JAK1: variants seen among roughly 807,000 people sequenced by gnomAD.
The protein encoded by JAK1 is Janus kinase 1, also known as tyrosine-protein kinase JAK1.
A neutral mutation model predicts 136.6 loss-of-function variants in JAK1; 16 were observed. The ratio of observed to expected loss-of-function variants is 0.12; its 90% confidence interval spans 0.08 to 0.18. JAK1 has a LOEUF of 0.18. JAK1 is among the 10% of genes least tolerant of loss of function. The pLI, the probability that JAK1 is intolerant of heterozygous loss-of-function variation, is 1.00. For synonymous variants in JAK1, 492 were observed against 519.5 expected (o/e 0.95, Z 0.72); for missense variants, 859 against 1,450.1 (o/e 0.59, Z 6.62).
chr1:64,918,593 C>T (rs182875367), intron 1 of JAK1: 21 of 173,294 alleles, frequency 1.2e-4, no homozygotes, highest in Non-Finnish European at 2.0e-4. Flanking sequence ...TGACCCAGGG[C>T]CCTGGAATAA....
chr1:64,840,499 C>T (rs310245), intron 19 of JAK1, among the ~76,000 whole-genome samples: 77,409 of 152,020 alleles, frequency 0.51, 22,712 homozygotes, highest in African/African-American at 0.81. Context: ...GAAACGCTGA[C>T]ACTCTATTTT....
intron 1 of JAK1, among the ~76,000 whole-genome samples, chr1:64,896,835 T>C (rs1440899034): frequency 2.0e-5 from 3 of 152,054 alleles, no homozygotes; most frequent in African/African-American, 7.3e-5. Context: ...ACCAGCATGG[T>C]GGGGTTGAAT....
intron 20 of JAK1, among the ~76,000 whole-genome samples, chr1:64,839,340 T>C (rs1343597582): frequency 6.6e-6 from 1 of 152,088 alleles, no homozygotes; most frequent in Admixed American, 6.5e-5. Flanking sequence ...AGGAATCAGT[T>C]TCATAAGGCA....
intron 2 of JAK1, among the ~76,000 whole-genome samples, chr1:64,989,002 G>GTATATATATATATATATATATA (rs57569640): frequency 1.5e-5 from 2 of 129,236 alleles, no homozygotes; most frequent in Non-Finnish European, 3.3e-5. Context: ...GTGTGTGTGT[G>GTATATATATATATATATATATA]TATATATATA....
chr1:64,993,691 G>A (rs1646678513), intron 2 of JAK1: 1 of 152,006 alleles, frequency 6.6e-6, no homozygotes, highest in East Asian at 1.9e-4. Context: ...TGTCGCCCAG[G>A]CTAAAGTACA....
intron 2 of JAK1, among the ~76,000 whole-genome samples, chr1:65,004,543 C>G (rs1171476977): frequency 6.6e-6 from 1 of 152,214 alleles, no homozygotes; most frequent in African/African-American, 2.4e-5. Flanking sequence ...CAATGACAAT[C>G]TTGCAAATAG....
At chr1:64,894,312 C>T (rs1459988000) in intron 1 of JAK1, among the ~76,000 whole-genome samples, 1 of 152,144 alleles carries the variant, frequency 6.6e-6, no homozygotes, top group African/African-American at 2.4e-5. Context: ...TGTGTCTGCA[C>T]CTCCTTCAGC....
chr1:65,014,308 G>A (rs569460490), intron 2 of JAK1, among the ~76,000 whole-genome samples: 1 of 150,792 alleles, frequency 6.6e-6, no homozygotes, highest in South Asian at 2.1e-4. Flanking sequence ...ATACTCAAGA[G>A]GCCAAACAAA....
chr1:64,888,218 T>G (rs1006998327), intron 1 of JAK1, among the ~76,000 whole-genome samples: 2 of 152,262 alleles, frequency 1.3e-5, no homozygotes, highest in Non-Finnish European at 2.9e-5. Context: ...AGTCTCACTC[T>G]GTCGCCAGGC....
At chr1:64,914,626 T>C (rs1475331200) in intron 1 of JAK1, among the ~76,000 whole-genome samples, 1 of 152,194 alleles carries the variant, frequency 6.6e-6, no homozygotes, top group Non-Finnish European at 1.5e-5. Flanking sequence ...CGCAGTGGCG[T>C]GATCTCAGCT....
chr1:65,014,382 A>G (rs1198634425), intron 2 of JAK1, among the ~76,000 whole-genome samples: 3 of 151,926 alleles, frequency 2.0e-5, no homozygotes, highest in African/African-American at 7.3e-5. Context: ...AGGGAAGGAA[A>G]GGGAAAAAAG....
At chr1:65,025,854 T>C (rs1557763733) in intron 2 of JAK1, among the ~76,000 whole-genome samples, 1 of 152,024 alleles carries the variant, frequency 6.6e-6, no homozygotes, top group Admixed American at 6.6e-5. Flanking sequence ...ATTTTTTATA[T>C]TTTTTGTAGA....
chr1:64,886,771 CACACACACACACACACACACAG>C (rs1449573493), intron 1 of JAK1, among the ~76,000 whole-genome samples: 2 of 146,694 alleles, frequency 1.4e-5, no homozygotes, highest in East Asian at 2.1e-4. Flanking sequence ...CACACACACA[CACACACACACACACACACACAG>C]AGCTTTGTAT....
chr1:65,052,216 G>A (rs1014905591), intron 1 of JAK1, among the ~76,000 whole-genome samples: 8 of 146,940 alleles, frequency 5.4e-5, no homozygotes, highest in Non-Finnish European at 1.2e-4. Flanking sequence ...GATCACAGAT[G>A]TGAGCCACCA....
chr1:64,973,151 G>GAAAGGAAGAAAGGAAGAA (rs1646466464), intron 2 of JAK1: 3 of 132,670 alleles, frequency 2.3e-5, no homozygotes, highest in Non-Finnish European at 4.9e-5. Context: ...AAGAAAGAAA[G>GAAAGGAAGAAAGGAAGAA]AAAGGAAGAA....
chr1:64,904,162 T>C (rs1343212039), intron 1 of JAK1, among the ~76,000 whole-genome samples: 1 of 152,264 alleles, frequency 6.6e-6, no homozygotes, highest in Non-Finnish European at 1.5e-5. Context: ...TTTTAAATAT[T>C]GATTTAACGA....
chr1:64,928,793 A>C (rs1403681656), intron 1 of JAK1, among the ~76,000 whole-genome samples: 1 of 124,734 alleles, frequency 8.0e-6, no homozygotes, highest in African/African-American at 3.6e-5. Context: ...AAAAAAAAAA[A>C]AAACAAAAAA....
chr1:64,884,866 T>G (rs1042646376), intron 2 of JAK1, among the ~76,000 whole-genome samples: 1 of 152,148 alleles, frequency 6.6e-6, no homozygotes, highest in African/African-American at 2.4e-5. Context: ...ATGCTGTGAG[T>G]TCCTTGAGAT....
chr1:64,946,032 C>T (rs1001680985), intron 1 of JAK1, among the ~76,000 whole-genome samples: 2 of 152,152 alleles, frequency 1.3e-5, no homozygotes, highest in African/African-American at 2.4e-5. Context: ...CCACGGCACC[C>T]GGCCCTGGTT....
Sources: gnomAD v4.1 joint callset for allele counts (sites outside exome capture counted in the v4.1 genomes callset) on GRCh38, gnomAD v4.1.1 for gene constraint, MANE v1.5 for transcripts, NCBI Gene and HGNC (gene_info 2026-07-23, HGNC 2026-07-21) for gene names.